Variants in DPH6 observed in about 807,000 individuals in gnomAD.
DPH6 encodes diphthamine biosynthesis 6.
DPH6 carries 33 observed loss-of-function variants against 38.2 expected under a neutral mutation model. That is an observed-to-expected ratio of 0.86 (90% CI 0.65 to 1.15). The LOEUF (loss-of-function observed/expected upper bound fraction) is 1.15, where lower values mean the gene tolerates loss of function less well. DPH6 is among the 50% of genes most tolerant of loss of function. The pLI is 0.00. For synonymous variants in DPH6, 108 were observed against 103.0 expected (o/e 1.05, Z -0.30); for missense variants, 325 against 320.0 (o/e 1.02, Z -0.12).
intron 3 of DPH6, among the ~76,000 whole-genome samples, chr15:35,241,634 G>T (rs1055054983): frequency 1.4e-5 from 2 of 141,384 alleles, no homozygotes; most frequent in African/African-American, 5.1e-5. Flanking sequence ...CCTCCTTTGC[G>T]TCCTCCTCTT....
At chr15:35,369,670 TA>T (rs897160363), downstream of DPH6, among the ~76,000 whole-genome samples, 2 of 146,964 alleles carry the variant, frequency 1.4e-5, no homozygotes, top group African/African-American at 5.0e-5. Flanking sequence ...AGCCAACATG[TA>T]ACATATTAAG....
At chr15:35,274,988 C>T (rs2051848088) in intron 3 of DPH6, among the ~76,000 whole-genome samples, 1 of 151,918 alleles carries the variant, frequency 6.6e-6, no homozygotes, top group African/African-American at 2.4e-5. Flanking sequence ...AATCTCGGCT[C>T]ACTGCAAGCT....
Position 35,224,100 on chromosome 15 carries a change from G to GTTTT in DPH6, n.201-3522_201-3519dup, listed in dbSNP as rs142813866. Among the ~76,000 whole-genome samples, 194 of 88,890 alleles carry GTTTT rather than the reference G, an allele frequency of 2.2e-3. 2 individuals are homozygous for GTTTT. The highest frequency in any genetic ancestry group is 2.4e-3 in the Non-Finnish European group (112 of 45,910). 58.3% of individuals were successfully genotyped at this position (88,890 alleles called of 152,430 possible). ...CCAGTCTTTCTGTGGCATGATTTTA[G>GTTTT]TTTTTTTTTTTTTTTTTTTTTTTTG... is the stretch of plus-strand genomic sequence containing the variant. On this transcript the variant is annotated intron_variant and non_coding_transcript_variant, in intron 3 of 3. Transcript: ENST00000560386.
chr15:35,436,966 C>T (rs551960669), intron 5 of DPH6, among the ~76,000 whole-genome samples: 1 of 150,618 alleles, frequency 6.6e-6, no homozygotes, highest in South Asian at 2.1e-4. Context: ...AAACTCAATT[C>T]CAAGTTTTGG....
At chr15:35,306,899 TG>T (rs2052096523) in intron 3 of DPH6, among the ~76,000 whole-genome samples, 1 of 152,144 alleles carries the variant, frequency 6.6e-6, no homozygotes, top group Non-Finnish European at 1.5e-5. Flanking sequence ...GCAAAAAGAC[TG>T]GGTGGATGTT....
intron 3 of DPH6, among the ~76,000 whole-genome samples, chr15:35,533,186 C>G (rs1332108730): frequency 3.3e-5 from 5 of 151,832 alleles, no homozygotes; most frequent in African/African-American, 1.2e-4. Context: ...ACTCTTTGTC[C>G]CCACTGCCAC....
At chr15:35,314,025 G>GA (rs1301550985) in intron 3 of DPH6, among the ~76,000 whole-genome samples, 1 of 149,868 alleles carries the variant, frequency 6.7e-6, no homozygotes, top group Non-Finnish European at 1.5e-5. Context: ...CAGAATGGGA[G>GA]AAAATATTGC....
intron 3 of DPH6, among the ~76,000 whole-genome samples, chr15:35,284,956 G>T (rs1019535632): frequency 6.6e-6 from 1 of 151,778 alleles, no homozygotes; most frequent in African/African-American, 2.4e-5. Flanking sequence ...AGGACTATAG[G>T]TGCACACCAT....
chr15:35,304,781 CTA>C, intron 3 of DPH6, among the ~76,000 whole-genome samples: 1 of 150,942 alleles, frequency 6.6e-6, no homozygotes, highest in South Asian at 2.1e-4. Context: ...CTCTATGAAG[CTA>C]TTTGGATGGT....
intron 3 of DPH6, among the ~76,000 whole-genome samples, chr15:35,504,988 A>T (rs1199138286): frequency 6.6e-6 from 1 of 152,164 alleles, no homozygotes. Flanking sequence ...CCAGGTATCC[A>T]CATGAACCAA....
At chr15:35,239,564 CCTT>C (rs1292008009) in intron 3 of DPH6, among the ~76,000 whole-genome samples, 1 of 141,178 alleles carries the variant, frequency 7.1e-6, no homozygotes, top group Non-Finnish European at 1.5e-5. Context: ...CCCCTTCTCT[CCTT>C]GTCTCTACCC....
At chr15:35,489,327 A>C (rs889075948) in intron 3 of DPH6, 1 of 985,216 alleles carries the variant, frequency 1.0e-6, no homozygotes, top group Admixed American at 6.2e-5. Context: ...GATGAGAAAT[A>C]AGAATTTTTT....
chr15:35,518,908 A>G (rs1370218871), intron 3 of DPH6: 1 of 151,916 alleles, frequency 6.6e-6, no homozygotes, highest in Non-Finnish European at 1.5e-5. Context: ...AGGTGTTTTT[A>G]CTCCCATTTT....
intron 3 of DPH6, among the ~76,000 whole-genome samples, chr15:35,245,078 A>T (rs2051626850): frequency 6.6e-6 from 1 of 152,146 alleles, no homozygotes; most frequent in Non-Finnish European, 1.5e-5. Context: ...GTGTGATTTA[A>T]ATATGAACCA....
At chr15:35,197,307 T>C in the DPH6 span, among the ~76,000 whole-genome samples, 1 of 152,344 alleles carries the variant, frequency 6.6e-6, no homozygotes, top group Admixed American at 6.5e-5. Flanking sequence ...AACATTGCCT[T>C]TCATATGGAT....
chr15:35,380,546 C>CT (rs1013322218), intron 7 of DPH6, among the ~76,000 whole-genome samples: 6 of 151,144 alleles, frequency 4.0e-5, no homozygotes, highest in African/African-American at 9.7e-5. Flanking sequence ...TATTGCTGTG[C>CT]TTTTTTTTTC....
At chr15:35,389,024 A>T (rs1454415029) in intron 6 of DPH6, among the ~76,000 whole-genome samples, 1 of 151,848 alleles carries the variant, frequency 6.6e-6, no homozygotes, top group Non-Finnish European at 1.5e-5. Context: ...TGTGTCCCAG[A>T]GATTCTGGTA....
chr15:35,392,228 A>T (rs2053069797), intron 6 of DPH6, among the ~76,000 whole-genome samples: 1 of 152,222 alleles, frequency 6.6e-6, no homozygotes, highest in East Asian at 1.9e-4. Context: ...ACTTATTTAT[A>T]TAGATAAATA....
chr15:35,349,378 A>G lies in DPH6; in HGVS notation n.208-18301T>C, dbSNP rs902804783. ...TAGTTTCATCATGAAAAGGTATTAC[A>G]TTTTGTCAAATGCCTTCCTTGGCAT... On this transcript the variant is annotated intron_variant and non_coding_transcript_variant, in intron 3 of 3. Transcript: ENST00000558973. 6.6e-5 allele frequency among the ~76,000 whole-genome samples: 10 copies of G among 152,224 alleles called. 1 individual carries two copies. The highest frequency in any genetic ancestry group is 2.6e-4 in the Admixed American group (4 of 15,268).
Sources: gnomAD v4.1 joint callset for allele counts (sites outside exome capture counted in the v4.1 genomes callset) on GRCh38, gnomAD v4.1.1 for gene constraint, MANE v1.5 for transcripts, NCBI Gene and HGNC (gene_info 2026-07-23, HGNC 2026-07-21) for gene names.